The following MYO10 variants were observed in gnomAD, a reference collection of about 807,000 sequenced individuals.
MYO10 encodes unconventional myosin-X.
Under a neutral mutation model 257.3 loss-of-function variants are expected in MYO10, and 133 were observed. That is an observed-to-expected ratio of 0.52 (90% CI 0.45 to 0.60). The LOEUF (loss-of-function observed/expected upper bound fraction) is 0.60, where lower values mean the gene tolerates loss of function less well. Among genes scored for constraint, MYO10 ranks in the 20% least tolerant of loss-of-function variants. The pLI, the probability that MYO10 is intolerant of heterozygous loss-of-function variation, is 0.00. For synonymous variants in MYO10, 1,104 were observed against 1,028.6 expected (o/e 1.07, Z -1.40); for missense variants, 2,399 against 2,635.7 (o/e 0.91, Z 1.97).
At chr5:16,847,316 C>T (rs957804144) in intron 2 of MYO10, among the ~76,000 whole-genome samples, 6 of 150,976 alleles carry the variant, frequency 4.0e-5, no homozygotes, top group Non-Finnish European at 8.8e-5. Context: ...TCCAGCTACT[C>T]AGGAGGCTGA....
Position 16,711,080 on chromosome 5 carries a change from C to T in MYO10, c.2054+41G>A, listed in dbSNP as rs765977195. On this transcript the variant is annotated intron_variant, in intron 20 of 40. Transcript: ENST00000513610. ...GCGATGGTTCCCTGTTTTCTCCAAC[C>T]CCTTTGAAAAGAAAGAGAATCCAAT... The T allele has an allele frequency of 4.3e-6, 7 of 1,612,826 alleles. No homozygotes were observed. The East Asian group carries it at 1.3e-4, about 31-fold the overall frequency.
chr5:16,744,133 G>A (rs759365239), intron 19 of MYO10, among the ~76,000 whole-genome samples: 1 of 152,196 alleles, frequency 6.6e-6, no homozygotes, highest in Non-Finnish European at 1.5e-5. Context: ...TAAAACTTAA[G>A]AGAGAAAAGG....
chr5:16,809,026 A>G (rs1254970515), intron 3 of MYO10, among the ~76,000 whole-genome samples: 1 of 152,218 alleles, frequency 6.6e-6, no homozygotes, highest in African/African-American at 2.4e-5. Context: ...ATCACAAAAA[A>G]ACAAGTTTCA....
chr5:16,712,929 C>T (rs1320009163), intron 19 of MYO10, among the ~76,000 whole-genome samples: 2 of 152,192 alleles, frequency 1.3e-5, no homozygotes, highest in Non-Finnish European at 2.9e-5. Flanking sequence ...ACTCTTATGC[C>T]GTATCTCTGG....
At chr5:16,792,132 C>CACAGAGAGAGAG (rs755315207) in intron 4 of MYO10, among the ~76,000 whole-genome samples, 2 of 75,290 alleles carry the variant, frequency 2.7e-5, no homozygotes, top group Non-Finnish European at 3.6e-5. Flanking sequence ...CACACACACA[C>CACAGAGAGAGAG]AGAGAGAGAG....
At chr5:16,827,265 A>G (rs1400973800) in intron 2 of MYO10, among the ~76,000 whole-genome samples, 1 of 152,042 alleles carries the variant, frequency 6.6e-6, no homozygotes, top group Non-Finnish European at 1.5e-5. Context: ...TCTAGTTACT[A>G]TAGCCTAGGG....
chr5:16,691,421 G>A (rs568492186), intron 27 of MYO10, among the ~76,000 whole-genome samples: 4 of 151,984 alleles, frequency 2.6e-5, no homozygotes, highest in East Asian at 1.9e-4. Flanking sequence ...GATCAGGGCC[G>A]GGCGTGGCGG....
At chr5:16,709,450 G>T (rs1300005019) in intron 21 of MYO10, among the ~76,000 whole-genome samples, 1 of 152,204 alleles carries the variant, frequency 6.6e-6, no homozygotes. Context: ...CTACGCTGGA[G>T]CATGTGGTTA....
intron 19 of MYO10, among the ~76,000 whole-genome samples, chr5:16,746,948 G>C (rs1243234061): frequency 6.6e-6 from 1 of 152,208 alleles, no homozygotes; most frequent in African/African-American, 2.4e-5. Context: ...TAACCTTTCA[G>C]TTTAAACCTT....
chr5:16,734,583 T>C (rs1005323148), intron 19 of MYO10, among the ~76,000 whole-genome samples: 2 of 152,046 alleles, frequency 1.3e-5, no homozygotes, highest in Non-Finnish European at 2.9e-5. Context: ...GGTGGGCGGA[T>C]CAACTGAGGT....
At chr5:16,816,048 A>T (rs546088304) in intron 3 of MYO10, among the ~76,000 whole-genome samples, 2 of 151,892 alleles carry the variant, frequency 1.3e-5, no homozygotes, top group African/African-American at 4.8e-5. Context: ...TGTAAAAAAA[A>T]AAAAAAAAAA....
intron 10 of MYO10, among the ~76,000 whole-genome samples, chr5:16,767,788 G>A (rs912509360): frequency 3.3e-5 from 5 of 151,754 alleles, no homozygotes; most frequent in African/African-American, 1.2e-4. Flanking sequence ...AGAGATTCTC[G>A]TGCCTCAGTC....
intron 2 of MYO10, among the ~76,000 whole-genome samples, chr5:16,861,944 C>T (rs1744119874): frequency 6.6e-6 from 1 of 152,122 alleles, no homozygotes; most frequent in African/African-American, 2.4e-5. Context: ...TCATGGGATA[C>T]TTACAGGAAT....
chr5:16,778,724 G>GCT (rs1334688270), intron 9 of MYO10, among the ~76,000 whole-genome samples: 27 of 130,786 alleles, frequency 2.1e-4, no homozygotes, highest in East Asian at 1.1e-3. Flanking sequence ...ACGGAGTCTC[G>GCT]CTGTCTCCCA....
At chr5:16,821,972 AT>A (rs1472955639) in intron 2 of MYO10, among the ~76,000 whole-genome samples, 5 of 84,740 alleles carry the variant, frequency 5.9e-5, no homozygotes, top group African/African-American at 1.8e-4. Flanking sequence ...GCTCAAAACA[AT>A]GTGTATTTCA....
chr5:16,756,583 A>G (rs577909739), intron 18 of MYO10, among the ~76,000 whole-genome samples: 2 of 152,296 alleles, frequency 1.3e-5, no homozygotes, highest in East Asian at 1.9e-4. Flanking sequence ...ATTTCTCACA[A>G]GACAAAACAT....
chr5:16,701,387 G>A lies in MYO10; in HGVS notation c.3008C>T (p.Ala1003Val). The change falls in exon 25 of 41, where the codon GCC becomes GTC. Residue 1003 changes from alanine (A) to valine (V), a missense_variant. This residue lies in a region of MYO10 where 1,820 missense variants were observed against 1,939.4 expected (regional missense o/e 0.94). Coordinates refer to ENST00000513610, the MANE Select transcript of MYO10 (RefSeq NM_012334.3). The surrounding 1 kb of genome is among the most constrained non-coding windows in gnomAD (Gnocchi z 8.1). ...GCTGGGGTTGGGGGAGTCCTTGAAG[G>A]CGTCGTCGTCGGCTTCGAAGCCCTC... is the stretch of plus-strand genomic sequence containing the variant. ...VDEGFEADDD[A>V]FKDSPNPSEH... is the part of the protein sequence containing the mutation. The A allele has an allele frequency of 6.2e-7, 1 of 1,614,018 alleles. No individual in the cohort carries two copies. The highest frequency in any genetic ancestry group is 8.5e-7 in the Non-Finnish European group (1 of 1,179,898).
intron 2 of MYO10, among the ~76,000 whole-genome samples, chr5:16,858,182 T>A (rs931171283): frequency 2.6e-5 from 4 of 152,288 alleles, no homozygotes; most frequent in African/African-American, 7.2e-5. Flanking sequence ...ATAACTTTAT[T>A]AAATTTGAAT....
chr5:16,912,738 G>A (rs16869235), intron 1 of MYO10, among the ~76,000 whole-genome samples: 15,574 of 149,596 alleles, frequency 0.1, 918 homozygotes, highest in African/African-American at 0.16. Context: ...CACCCAAGTG[G>A]GTTGAGTATT....
Sources: gnomAD v4.1 joint callset for allele counts (sites outside exome capture counted in the v4.1 genomes callset) on GRCh38, gnomAD v4.1.1 for gene constraint, gnomAD v4.1.1 regional missense constraint, Gnocchi (gnomAD v3.1) non-coding constraint, MANE v1.5 for transcripts, NCBI Gene and HGNC (gene_info 2026-07-23, HGNC 2026-07-21) for gene names.